FAM98A: variants seen among roughly 807,000 people sequenced by gnomAD.
FAM98A encodes protein FAM98A.
A neutral mutation model predicts 62.9 loss-of-function variants in FAM98A; 25 were observed. That is an observed-to-expected ratio of 0.40 (90% CI 0.29 to 0.56). FAM98A has a LOEUF of 0.56. Ranked by LOEUF, FAM98A falls within the 20% of genes least tolerant of loss-of-function variation. The pLI is 0.51. For synonymous variants in FAM98A, 252 were observed against 228.6 expected, an observed-to-expected ratio of 1.10 and a Z score of -0.92; for missense variants, 653 against 640.7, an observed-to-expected ratio of 1.02 and a Z score of -0.21.
intron 3 of FAM98A, among the ~76,000 whole-genome samples, chr2:33,590,817 A>G (rs866054272): frequency 8.5e-5 from 13 of 152,316 alleles, no homozygotes; most frequent in African/African-American, 2.4e-4. Flanking sequence ...AGTGGTTTGT[A>G]TAAGTATCAG....
intron 1 of FAM98A, 101 bp from the exon 2 acceptor site, chr2:33,595,738 T>G (rs1402227619): frequency 1.3e-6 from 1 of 797,276 alleles, no homozygotes; most frequent in Non-Finnish European, 1.9e-6. Context: ...AATAATTTAA[T>G]AAAGATAAGT....
At position 33,584,708 on chromosome 2, in the gene FAM98A, C is replaced by CTGAATTCAGCACCTATTT; in HGVS notation, c.*67_*68insAAATAGGTGCTGAATTCA. 7.3e-7 allele frequency: 1 copy of CTGAATTCAGCACCTATTT among 1,373,300 alleles called. No individual in the cohort carries two copies. Among genetic ancestry groups the CTGAATTCAGCACCTATTT allele is most frequent in the Non-Finnish European group, 1.0e-6 (1 of 998,122 alleles). The allele number at this position is 1,373,300 out of a possible 1,614,324, so 85.1% of individuals were successfully genotyped here. A position where few individuals can be genotyped will look rare whatever the true frequency, so the allele number is the denominator to read the frequency against. On this transcript the variant is annotated 3_prime_UTR_variant, in exon 8 of 8. Transcript: ENST00000238823. ...GTCTCACATTAATTCAAAATAGGTGCTGAATTCAGGATTCTGAAACTAAGT... is the reference window on the plus strand; with the variant it reads ...GTCTCACATTAATTCAAAATAGGTGCTGAATTCAGCACCTATTTTGAATTCAGGATTCTGAAACTAAGT...
chr2:33,598,577 C>G (rs980546799), intron 1 of FAM98A, among the ~76,000 whole-genome samples: 2 of 152,178 alleles, frequency 1.3e-5, no homozygotes, highest in African/African-American at 4.8e-5. Context: ...ATCACAGAGT[C>G]AAAGCAAACT....
Position 33,584,623 on chromosome 2 carries a change from C to G in FAM98A, c.*153G>C, listed in dbSNP as rs1255886865. 3.0e-6 allele frequency: 2 copies of G among 660,952 alleles called. No individual in the cohort carries two copies. The highest frequency in any genetic ancestry group is 5.2e-5 in the Admixed American group (2 of 38,104). The allele number at this position is 660,952 out of a possible 1,614,324, so 40.9% of individuals were successfully genotyped here. On this transcript the variant is annotated 3_prime_UTR_variant, in exon 8 of 8. Transcript: ENST00000238823. The stretch of plus-strand genomic sequence containing the variant: ...ATGTAAGTCCAATAAAAAAATCTAA[C>G]AGAATTGAATGAAGACCTACAAATG...
intron 5 of FAM98A, chr2:33,587,018 T>G (rs1009532265): frequency 1.5e-5 from 8 of 537,410 alleles, no homozygotes; most frequent in Non-Finnish European, 2.6e-5. Context: ...TTTTATCAGC[T>G]GTGTGAAATA....
rs548277179 is a variant in FAM98A at position 33,596,574 on chromosome 2, G to A, written c.54-937C>T. On this transcript the variant is annotated intron_variant, in intron 1 of 7. Transcript: ENST00000238823. ...ATTGATAATAATGCTTACTTAAGATGATACAATAAATATGCTTAAGATAAT... is the reference window on the plus strand; with the variant it reads ...ATTGATAATAATGCTTACTTAAGATAATACAATAAATATGCTTAAGATAAT... 2.0e-5 allele frequency among the ~76,000 whole-genome samples: 3 copies of A among 152,212 alleles called. No individual in the cohort carries two copies. The South Asian group carries it at 6.2e-4, about 32-fold the overall frequency.
chr2:33,586,239 ATTAT>A (rs1291638117), intron 6 of FAM98A, among the ~76,000 whole-genome samples: 5 of 152,228 alleles, frequency 3.3e-5, no homozygotes, highest in Non-Finnish European at 7.3e-5. Context: ...AGCAAATTAA[ATTAT>A]TTAAAGTAAA....
intron 1 of FAM98A, among the ~76,000 whole-genome samples, chr2:33,596,467 C>A (rs1677814053): frequency 6.6e-6 from 1 of 151,984 alleles, no homozygotes; most frequent in Admixed American, 6.6e-5. Flanking sequence ...CTCCAATCAC[C>A]AATATTCTAA....
chr2:33,594,069 T>A (rs1313120885), intron 2 of FAM98A, among the ~76,000 whole-genome samples: 1 of 152,180 alleles, frequency 6.6e-6, no homozygotes, highest in Non-Finnish European at 1.5e-5. Flanking sequence ...GTATTTAAAT[T>A]CTCTGGGCTT....
rs1173965240 is a variant in FAM98A at position 33,583,779 on chromosome 2, T to C, written c.*997A>G. 1 of 152,676 alleles carries C rather than the reference T, an allele frequency of 6.5e-6. No homozygotes were observed. The highest frequency in any genetic ancestry group is 1.5e-5 in the Non-Finnish European group (1 of 68,040). 9.5% of individuals were successfully genotyped at this position (152,676 alleles called of 1,614,324 possible). Reference sequence around the variant, plus strand: ...ACCCAGCAAGAAGCATCATGTCATGTAGATTTCAGTAAGGGAGAATGTAAA... The same window carrying C: ...ACCCAGCAAGAAGCATCATGTCATGCAGATTTCAGTAAGGGAGAATGTAAA... On this transcript the variant is annotated 3_prime_UTR_variant, in exon 8 of 8. Coordinates refer to ENST00000238823, the MANE Select transcript of FAM98A (RefSeq NM_015475.5).
At position 33,585,107 on chromosome 2, in the gene FAM98A, T is replaced by G; in HGVS notation, c.1226A>C (p.Tyr409Ser). The G allele has an allele frequency of 6.2e-7, 1 of 1,614,182 alleles. No individual in the cohort carries two copies. The highest frequency in any genetic ancestry group is 8.5e-7 in the Non-Finnish European group (1 of 1,180,018). The part of the protein sequence containing the change: ...YRDSGFQPGG[Y>S]HGGHSSGGYQ... ...GCCACCACTGCTGTGGCCACCATGA[T>G]AGCCACCTGGCTGGAAACCTGAATC... The change falls in exon 8 of 8, where the codon TAT (tyrosine) becomes TCT (serine). Residue 409 changes from tyrosine (Y) to serine (S), a missense_variant. Tyr to Ser is a moderately radical substitution (Grantham distance 144). Transcript: ENST00000238823.
At position 33,588,447 on chromosome 2, in the gene FAM98A, CCTT is replaced by C; in HGVS notation, c.407_409del (p.Glu136del). ...CTCTTGAAAGACCTCACTACCGCCT[CCTT>C]CTTGAGCTTTTTTTGGAGGAGCATT... On this transcript the variant is annotated inframe_deletion, in exon 4 of 8. Coordinates refer to ENST00000238823, the MANE Select transcript of FAM98A (RefSeq NM_015475.5). 1 of 1,613,786 alleles carries C rather than the reference CCTT, an allele frequency of 6.2e-7. No individual in the cohort carries two copies. The highest frequency in any genetic ancestry group is 8.5e-7 in the Non-Finnish European group (1 of 1,179,802).
intron 1 of FAM98A, 97 bp downstream of exon 1, chr2:33,599,072 G>C: frequency 1.0e-6 from 1 of 985,126 alleles, no homozygotes; most frequent in Non-Finnish European, 1.6e-6. Flanking sequence ...CACGGGGTGC[G>C]GCGTGGAGAG....
In FAM98A at chr2:33,597,078, T is replaced by A. The variant is rs183893342; in HGVS notation, c.54-1441A>T. 1.4e-4 allele frequency among the ~76,000 whole-genome samples: 21 copies of A among 152,258 alleles called. 1 individual carries two copies. Among genetic ancestry groups the A allele is most frequent in the Non-Finnish European group, 2.5e-4 (17 of 68,022 alleles). On this transcript the variant is annotated intron_variant, in intron 1 of 7. Transcript: ENST00000238823. Reference sequence around the variant, plus strand: ...GCATCTAGATTTATAAACTATGTATTATTAGACACTGAAATCAAAAGACTA... The same window carrying A: ...GCATCTAGATTTATAAACTATGTATAATTAGACACTGAAATCAAAAGACTA...
chr2:33,591,007 T>G (rs1457218383), intron 3 of FAM98A, among the ~76,000 whole-genome samples: 1 of 152,148 alleles, frequency 6.6e-6, no homozygotes, highest in African/African-American at 2.4e-5. Flanking sequence ...TTGAATCAGT[T>G]ACAGAAATTG....
chr2:33,589,147 C>A (rs1014114869), intron 3 of FAM98A: 3 of 152,208 alleles, frequency 2.0e-5, no homozygotes, highest in African/African-American at 7.2e-5. Context: ...TCAGGACTCC[C>A]TTCCCCCTAC....
rs368074142 is a variant in FAM98A at position 33,595,571 on chromosome 2, G to A, written c.120C>T (p.Pro40=). 188 of 1,609,084 alleles carry A rather than the reference G, an allele frequency of 1.2e-4. No individual in the cohort carries two copies. Among genetic ancestry groups the A allele is most frequent in the Admixed American group, 3.6e-4 (21 of 58,934 alleles). ...SQAVSAGASS[P]EFTKLCAWLV... Reference sequence around the variant, plus strand: ...GCCAAGCACAGAGTTTGGTAAACTCGGGGGAACTGGCTCCAGCAGAGACTG... The same window carrying A: ...GCCAAGCACAGAGTTTGGTAAACTCAGGGGAACTGGCTCCAGCAGAGACTG... The change falls in exon 2 of 8, where the codon CCC becomes CCT. Residue 40 remains proline, a synonymous_variant. Coordinates refer to ENST00000238823, the MANE Select transcript of FAM98A (RefSeq NM_015475.5).
Position 33,591,947 on chromosome 2 carries a change from A to G in FAM98A, c.337+133T>C, listed in dbSNP as rs961660848. 6 of 879,574 alleles carry G rather than the reference A, an allele frequency of 6.8e-6. No homozygotes were observed. In the Admixed American group the frequency reaches 1.5e-4, roughly 21 times the overall value. 54.5% of individuals were successfully genotyped at this position (879,574 alleles called of 1,614,324 possible). ...TCAGCTCCTAAATTGGAAATTTAAG[A>G]AAGTTTTATTTTAAAATGAATTTTG... is the stretch of plus-strand genomic sequence containing the variant. On this transcript the variant is annotated intron_variant, in intron 3 of 7. Transcript: ENST00000238823.
Position 33,599,214 on chromosome 2 carries a change from C to T in FAM98A, c.8G>A (p.Cys3Tyr). The part of the protein sequence containing the change: ME[C>Y]DLMETDILES... Reference sequence around the variant, plus strand: ...CAAGATGTCAGTCTCCATGAGGTCACACTCCATGCTACTGTGGTATTCAAA... The same window carrying T: ...CAAGATGTCAGTCTCCATGAGGTCATACTCCATGCTACTGTGGTATTCAAA... Residue 3 changes from cysteine to tyrosine, a missense_variant, in exon 1 of 8, where the codon TGT (cysteine) becomes TAT (tyrosine). Coordinates refer to ENST00000238823, the MANE Select transcript of FAM98A (RefSeq NM_015475.5). 1 of 1,613,822 alleles carries T rather than the reference C, an allele frequency of 6.2e-7. No homozygotes were observed. Among genetic ancestry groups the T allele is most frequent in the Non-Finnish European group, 8.5e-7 (1 of 1,179,654 alleles).
Sources: allele counts gnomAD v4.1 joint callset (sites outside exome capture counted in the v4.1 genomes callset), GRCh38; gene constraint gnomAD v4.1.1; transcripts MANE v1.5; gene names NCBI Gene and HGNC (gene_info 2026-07-23, HGNC 2026-07-21).